The following NSL1 variants were observed in gnomAD, a reference collection of about 807,000 sequenced individuals.
The protein encoded by NSL1 is kinetochore-associated protein NSL1 homolog.
Under a neutral mutation model 25.4 loss-of-function variants are expected in NSL1, and 11 were observed. The ratio of observed to expected loss-of-function variants is 0.43; its 90% CI spans 0.27 to 0.72. The LOEUF (loss-of-function observed/expected upper bound fraction) is 0.72, where lower values mean the gene tolerates loss of function less well. Among genes scored for constraint, NSL1 ranks in the 30% least tolerant of loss-of-function variants. The pLI, the probability that NSL1 is intolerant of heterozygous loss-of-function variation, is 0.19. For missense variants in NSL1, 330 were observed against 342.7 expected (o/e 0.96, Z 0.29); for synonymous variants, 118 against 120.6 (o/e 0.98, Z 0.14).
At chr1:212,781,746 A>ACT (rs1229563387) in intron 4 of NSL1, among the ~76,000 whole-genome samples, 4 of 152,216 alleles carry the variant, frequency 2.6e-5, no homozygotes, top group Non-Finnish European at 5.9e-5. Context: ...ACTCTTAGAA[A>ACT]AACTGTTATA....
chr1:212,752,473 A>T (rs886830626), intron 4 of NSL1, among the ~76,000 whole-genome samples: 5 of 152,196 alleles, frequency 3.3e-5, no homozygotes, highest in Non-Finnish European at 7.3e-5. Context: ...AGTTTACCAT[A>T]CAGAAACTTA....
intron 4 of NSL1, among the ~76,000 whole-genome samples, chr1:212,763,469 T>C (rs1305525216): frequency 1.3e-5 from 2 of 152,118 alleles, no homozygotes; most frequent in Admixed American, 1.3e-4. Flanking sequence ...ATGGCCTAAA[T>C]GTTCCACTTA....
At chr1:212,766,016 G>A (rs2102459426) in intron 4 of NSL1, among the ~76,000 whole-genome samples, 1 of 150,436 alleles carries the variant, frequency 6.6e-6, no homozygotes, top group South Asian at 2.1e-4. Flanking sequence ...GGTGCCTGTA[G>A]ACCCAGCTCT....
intron 4 of NSL1, among the ~76,000 whole-genome samples, chr1:212,746,930 G>C (rs1286368945): frequency 1.3e-5 from 2 of 152,174 alleles, no homozygotes; most frequent in Admixed American, 6.5e-5. Context: ...TGGATCACTT[G>C]AGCCAGAAGT....
rs999035985 is a variant in NSL1, at chr1:212,730,342, CA to C, written c.*8065del. Reference sequence around the variant, plus strand: ...GGTGGCATTCCCATCAAGGTGGCATCAGGGGCAGAAATGGACAAAAGAACTC... The same window carrying C: ...GGTGGCATTCCCATCAAGGTGGCATCGGGGCAGAAATGGACAAAAGAACTC... On this transcript the variant is annotated 3_prime_UTR_variant, in exon 6 of 6. Transcript: ENST00000366977. 3.4e-5 allele frequency: 33 copies of C among 982,348 alleles called. No individual in the cohort carries two copies. In the South Asian group the frequency reaches 1.1e-3, roughly 34 times the overall value. The allele number at this position is 982,348 out of a possible 1,614,324, so 60.9% of individuals were successfully genotyped here. A position where few individuals can be genotyped will look rare whatever the true frequency, so the allele number is the denominator to read the frequency against.
chr1:212,782,524 A>C (rs1014340984), intron 3 of NSL1, 98 bp from the exon 4 acceptor site: 5 of 903,608 alleles, frequency 5.5e-6, no homozygotes, highest in East Asian at 2.5e-5. Context: ...AGTCAGTACC[A>C]TTCTTTTGAG....
At chr1:212,767,696 T>C (rs1659885805) in intron 4 of NSL1, among the ~76,000 whole-genome samples, 1 of 152,002 alleles carries the variant, frequency 6.6e-6, no homozygotes, top group Non-Finnish European at 1.5e-5. Context: ...ATATCCAGAA[T>C]CTACAAGAAA....
chr1:212,750,155 G>A (rs942566931), intron 4 of NSL1, among the ~76,000 whole-genome samples: 2 of 151,736 alleles, frequency 1.3e-5, no homozygotes, highest in Non-Finnish European at 2.9e-5. Context: ...TGTACAGTAG[G>A]TGTTCAGTAG....
intron 4 of NSL1, among the ~76,000 whole-genome samples, chr1:212,780,375 G>C (rs886889704): frequency 6.6e-6 from 1 of 151,048 alleles, no homozygotes; most frequent in African/African-American, 2.4e-5. Flanking sequence ...GCGGAAGGCC[G>C]CAGGGTCCTC....
At chr1:212,744,246 T>TTC (rs1396867154) in intron 4 of NSL1, among the ~76,000 whole-genome samples, 2 of 152,118 alleles carry the variant, frequency 1.3e-5, no homozygotes, top group African/African-American at 4.8e-5. Flanking sequence ...TTTAAGGAAA[T>TTC]CTCTGACAAA....
At chr1:212,788,382 G>A (rs1661038756) in intron 1 of NSL1, among the ~76,000 whole-genome samples, 1 of 152,230 alleles carries the variant, frequency 6.6e-6, no homozygotes, top group African/African-American at 2.4e-5. Flanking sequence ...CTGTACTCCA[G>A]CCTGGGAGAC....
At chr1:212,751,312 T>G (rs1475496823) in intron 4 of NSL1, among the ~76,000 whole-genome samples, 1 of 152,194 alleles carries the variant, frequency 6.6e-6, no homozygotes, top group Non-Finnish European at 1.5e-5. Flanking sequence ...TTATGCAATT[T>G]TAGCAACCCT....
chr1:212,790,901 C>G (rs551407604), intron 1 of NSL1, among the ~76,000 whole-genome samples: 1 of 150,208 alleles, frequency 6.7e-6, no homozygotes, highest in Admixed American at 6.6e-5. Context: ...CCAGCCTGGG[C>G]GACAGAGCGA....
chr1:212,774,880 G>A (rs1263151839), intron 4 of NSL1, among the ~76,000 whole-genome samples: 1 of 152,210 alleles, frequency 6.6e-6, no homozygotes, highest in African/African-American at 2.4e-5. Context: ...GTACATGAAT[G>A]TTCACAGCAG....
chr1:212,730,475 T>C lies in NSL1; in HGVS notation c.*7933A>G. The C allele has an allele frequency of 2.0e-6, 2 of 985,276 alleles. No individual in the cohort carries two copies. Among genetic ancestry groups the C allele is most frequent in the Non-Finnish European group, 2.4e-6 (2 of 829,884 alleles). 61.0% of individuals were successfully genotyped at this position (985,276 alleles called of 1,614,324 possible). ...ATGAGCCCAAAGGCACTGGAGCCAT[T>C]CTCTGAGTAAGGCTAGTCAAGGTGA... On this transcript the variant is annotated 3_prime_UTR_variant, in exon 6 of 6. Coordinates refer to ENST00000366977, the MANE Select transcript of NSL1 (RefSeq NM_015471.4).
intron 4 of NSL1, among the ~76,000 whole-genome samples, chr1:212,767,292 CTTA>C (rs1659866374): frequency 6.6e-6 from 1 of 152,144 alleles, no homozygotes; most frequent in East Asian, 1.9e-4. Context: ...AAGCCAAATA[CTTA>C]CAGTCAACTG....
At chr1:212,769,859 TA>T (rs1468845362) in intron 4 of NSL1, among the ~76,000 whole-genome samples, 1 of 152,110 alleles carries the variant, frequency 6.6e-6, no homozygotes, top group African/African-American at 2.4e-5. Context: ...TCAATAATAA[TA>T]ACCTTGAATG....
intron 1 of NSL1, among the ~76,000 whole-genome samples, chr1:212,791,007 TC>T (rs1661213310): frequency 6.6e-6 from 1 of 152,144 alleles, no homozygotes; most frequent in Admixed American, 6.5e-5. Context: ...ATGGCTGACT[TC>T]CAGAATTACC....
chr1:212,741,343 T>C (rs1438425417), intron 4 of NSL1, among the ~76,000 whole-genome samples: 2 of 152,234 alleles, frequency 1.3e-5, no homozygotes, highest in African/African-American at 2.4e-5. Flanking sequence ...GTATCTTCCA[T>C]GGGCTAGGCT....
Sources: gnomAD v4.1 joint callset for allele counts (sites outside exome capture counted in the v4.1 genomes callset) on GRCh38, gnomAD v4.1.1 for gene constraint, MANE v1.5 for transcripts, NCBI Gene and HGNC (gene_info 2026-07-23, HGNC 2026-07-21) for gene names.